ALG12: variants seen among roughly 807,000 people sequenced by gnomAD.
ALG12 encodes ALG12 alpha-1,6-mannosyltransferase.
Under a neutral mutation model 46.0 loss-of-function variants are expected in ALG12, and 36 were observed. That is an observed-to-expected ratio of 0.78 (90% CI 0.60 to 1.03). The LOEUF (loss-of-function observed/expected upper bound fraction) is 1.03, where lower values mean the gene tolerates loss of function less well. ALG12 is among the 50% of genes least tolerant of loss of function. ALG12 has a pLI of 0.00. For missense variants in ALG12, 599 were observed against 633.5 expected, an observed-to-expected ratio of 0.95 and a Z score of 0.58; for synonymous variants, 326 against 291.6, an observed-to-expected ratio of 1.12 and a Z score of -1.20.
chr22:49,860,398 C>T, the ALG12 span, among the ~76,000 whole-genome samples: 1 of 152,114 alleles, frequency 6.6e-6, no homozygotes, highest in Non-Finnish European at 1.5e-5. Context: ...TTAATAATAT[C>T]ATTGGCCTTG....
chr22:49,908,296 A>G (rs2060555139), intron 6 of ALG12, among the ~76,000 whole-genome samples: 1 of 151,574 alleles, frequency 6.6e-6, no homozygotes, highest in Non-Finnish European at 1.5e-5. Context: ...TCGGGAGGCC[A>G]AGGTGGGTAG....
At chr22:49,886,881 G>C in the ALG12 span, 1 of 1,614,128 alleles carries the variant, frequency 6.2e-7, no homozygotes, top group Non-Finnish European at 8.5e-7. The surrounding 1 kb of genome is among the most constrained non-coding windows in gnomAD (Gnocchi z 7.7). Flanking sequence ...AGGTGAAGAA[G>C]AAAGACCCAA....
At position 49,909,363 on chromosome 22, in the gene ALG12, A is replaced by G. The variant is rs2060562487; in HGVS notation, c.665-16T>C. 6.2e-7 allele frequency: 1 copy of G among 1,613,374 alleles called. No homozygotes were observed. The highest frequency in any genetic ancestry group is 8.5e-7 in the Non-Finnish European group (1 of 1,179,452). ...ACCGTCAGTCCTGACAAAATAAAAT[A>G]GAGTTTCTTAGTCGCAAACACAGCC... On this transcript the variant is annotated splice_polypyrimidine_tract_variant and intron_variant, in intron 5 of 9. Coordinates refer to ENST00000330817, the MANE Select transcript of ALG12 (RefSeq NM_024105.4).
the ALG12 span, among the ~76,000 whole-genome samples, chr22:49,869,875 C>G: frequency 6.6e-6 from 1 of 152,118 alleles, no homozygotes; most frequent in Admixed American, 6.5e-5. Flanking sequence ...TGGTATATTG[C>G]GTGATGCTGA....
chr22:49,907,807 GTA>G lies in ALG12; in HGVS notation c.904_905del (p.Tyr302LeufsTer32). ...GTAGCTCCTTGTGTGGCAGGAGGGA[GTA>G]GAGTGCCATGAAGCCCAGTGCCAGC... The part of the protein sequence containing the change: ...TVLALGFMAL[Y>X]SLLPHKELRF... On this transcript the variant is annotated frameshift_variant, in exon 7 of 10. Transcript: ENST00000330817. LOFTEE classifies it high-confidence loss of function. 2.5e-6 allele frequency: 4 copies of G among 1,614,184 alleles called. No individual in the cohort carries two copies. The highest frequency in any genetic ancestry group is 3.4e-6 in the Non-Finnish European group (4 of 1,180,034).
intron 6 of ALG12, among the ~76,000 whole-genome samples, 172 bp from the exon 7 acceptor site, chr22:49,908,116 G>A (rs1458333479): frequency 6.6e-6 from 1 of 152,148 alleles, no homozygotes; most frequent in African/African-American, 2.4e-5. Flanking sequence ...CTAAAAGACA[G>A]AGCCCAGGCC....
At position 49,903,594 on chromosome 22, in the gene ALG12, A is replaced by G. The variant is rs752863812; in HGVS notation, c.*244T>C. The G allele has an allele frequency of 1.5e-6, 1 of 676,038 alleles. No individual in the cohort carries two copies. The highest frequency in any genetic ancestry group is 2.7e-6 in the Non-Finnish European group (1 of 368,452). The allele number at this position is 676,038 out of a possible 1,614,324, so 41.9% of individuals were successfully genotyped here. A position where few individuals can be genotyped will look rare whatever the true frequency, so the allele number is the denominator to read the frequency against. ...CGCAGGAAGCCCTGAGCTGGCCACC[A>G]TCACCCTGGGCAGTGGCTCCCGGGG... is the stretch of plus-strand genomic sequence containing the variant. On this transcript the variant is annotated 3_prime_UTR_variant, in exon 10 of 10. Coordinates refer to ENST00000330817, the MANE Select transcript of ALG12 (RefSeq NM_024105.4).
rs2060535487 is a variant in ALG12 at position 49,905,065 on chromosome 22, G to C, written c.993-559C>G. On this transcript the variant is annotated intron_variant, in intron 7 of 9. Coordinates refer to ENST00000330817, the MANE Select transcript of ALG12 (RefSeq NM_024105.4). The surrounding 1 kb of genome is among the most constrained non-coding windows in gnomAD (Gnocchi z 4.9). Reference sequence around the variant, plus strand: ...AAAATATATTTTCAAACAATCCCAAGTGACTGTGTAGGTCAGAGTGCCACC... The same window carrying C: ...AAAATATATTTTCAAACAATCCCAACTGACTGTGTAGGTCAGAGTGCCACC... 6.6e-6 allele frequency among the ~76,000 whole-genome samples: 1 copy of C among 152,106 alleles called. No homozygotes were observed. Among genetic ancestry groups the C allele is most frequent in the Admixed American group, 6.5e-5 (1 of 15,278 alleles).
At chr22:49,882,838 T>A in the ALG12 span, among the ~76,000 whole-genome samples, 1 of 152,234 alleles carries the variant, frequency 6.6e-6, no homozygotes, top group African/African-American at 2.4e-5. Flanking sequence ...CCTTCTCAGA[T>A]GCAGGAGCCA....
chr22:49,863,625 CAAAAAAA>C, the ALG12 span, among the ~76,000 whole-genome samples: 1 of 94,314 alleles, frequency 1.1e-5, no homozygotes, highest in South Asian at 3.0e-4. Flanking sequence ...GACTCCGTCT[CAAAAAAA>C]AAAAAAAAAA....
chr22:49,865,025 T>C, the ALG12 span, among the ~76,000 whole-genome samples: 1 of 142,018 alleles, frequency 7.0e-6, no homozygotes, highest in African/African-American at 2.6e-5. Flanking sequence ...CAGTCCTAGC[T>C]CTGCAAGTGA....
chr22:49,862,254 G>A, the ALG12 span, among the ~76,000 whole-genome samples: 2 of 152,200 alleles, frequency 1.3e-5, no homozygotes, highest in Non-Finnish European at 2.9e-5. Flanking sequence ...CCGCAAAGTC[G>A]CTTGGAAGGT....
chr22:49,886,796 C>T, the ALG12 span: 2 of 1,612,668 alleles, frequency 1.2e-6, no homozygotes, highest in Non-Finnish European at 1.7e-6. The surrounding 1 kb of genome is among the most constrained non-coding windows in gnomAD (Gnocchi z 7.7). Context: ...GACGTGGCTG[C>T]CTCCCACAGG....
intron 1 of ALG12, among the ~76,000 whole-genome samples, chr22:49,915,301 A>G (rs562172690): frequency 3.3e-5 from 5 of 152,228 alleles, no homozygotes; most frequent in South Asian, 4.1e-4. Context: ...GCTCATTCCC[A>G]TAATCCCAGC....
rs952834911 is a variant in ALG12, at chr22:49,903,680, G to A, written c.*158C>T. On this transcript the variant is annotated 3_prime_UTR_variant, in exon 10 of 10. Transcript: ENST00000330817. Reference sequence around the variant, plus strand: ...TGAGAGCCCCAGCTGAGGCTGTGGAGGAGGCCCTGGACCTGGTCTGGTGTC... The same window carrying A: ...TGAGAGCCCCAGCTGAGGCTGTGGAAGAGGCCCTGGACCTGGTCTGGTGTC... 3 of 840,884 alleles carry A rather than the reference G, an allele frequency of 3.6e-6. No individual in the cohort carries two copies. Among genetic ancestry groups the A allele is most frequent in the Non-Finnish European group, 5.9e-6 (3 of 510,626 alleles). The allele number at this position is 840,884 out of a possible 1,614,324, so 52.1% of individuals were successfully genotyped here. A position where few individuals can be genotyped will look rare whatever the true frequency, so the allele number is the denominator to read the frequency against.
the ALG12 span, among the ~76,000 whole-genome samples, chr22:49,873,597 G>A: frequency 4.6e-5 from 7 of 152,128 alleles, no homozygotes; most frequent in Non-Finnish European, 8.8e-5. Context: ...AAATGGCACC[G>A]ATGGACGTGC....
At chr22:49,883,743 A>G in the ALG12 span, 4 of 1,612,500 alleles carry the variant, frequency 2.5e-6, no homozygotes, top group East Asian at 2.2e-5. Flanking sequence ...TAGAAGAGGA[A>G]GATGATGATG....
chr22:49,909,011 G>A (rs2060560060), intron 6 of ALG12, among the ~76,000 whole-genome samples: 1 of 151,666 alleles, frequency 6.6e-6, no homozygotes, highest in Admixed American at 6.6e-5. Context: ...GGGTAATCTG[G>A]GGCAGGGCTG....
At chr22:49,860,348 A>C in the ALG12 span, among the ~76,000 whole-genome samples, 1 of 152,170 alleles carries the variant, frequency 6.6e-6, no homozygotes, top group South Asian at 2.1e-4. Context: ...GTTTTACTTA[A>C]TTTCTTTGAT....
Sources: allele counts gnomAD v4.1 joint callset (sites outside exome capture counted in the v4.1 genomes callset), GRCh38; gene constraint gnomAD v4.1.1; non-coding constraint Gnocchi (gnomAD v3.1); transcripts MANE v1.5; gene names NCBI Gene and HGNC (gene_info 2026-07-23, HGNC 2026-07-21).